Variants in CTTNBP2NL observed in about 807,000 individuals in gnomAD.
CTTNBP2NL encodes the protein CTTNBP2 N-terminal-like protein.
In CTTNBP2NL, 16 loss-of-function variants were observed where a neutral mutation model predicts 32.5. That is an observed-to-expected ratio of 0.49 (90% CI 0.33 to 0.75). CTTNBP2NL has a LOEUF of 0.75. Among genes scored for constraint, CTTNBP2NL ranks in the 30% least tolerant of loss-of-function variants. The pLI is 0.02. For synonymous variants in CTTNBP2NL, 298 were observed against 289.4 expected, an observed-to-expected ratio of 1.03 and a Z score of -0.30; for missense variants, 645 against 756.0, an observed-to-expected ratio of 0.85 and a Z score of 1.72.
Position 112,457,281 on chromosome 1 carries a change from A to G in CTTNBP2NL, c.1789A>G (p.Thr597Ala). ...PGLTPSPSAT[T>A]PLTKTHSQAA... ...CCTCACCCCTTCTCCATCTGCTACC[A>G]CTCCATTGACCAAAACTCATTCCCA... Residue 597 changes from threonine (T) to alanine (A), a missense_variant, in exon 6 of 6, where the codon ACT becomes GCT. By Grantham distance (58) the Thr-to-Ala change is moderately conservative. Transcript: ENST00000271277. The G allele has an allele frequency of 6.2e-7, 1 of 1,613,882 alleles. No individual in the cohort carries two copies. The highest frequency in any genetic ancestry group is 8.5e-7 in the Non-Finnish European group (1 of 1,179,978).
At chr1:112,415,992 A>C (rs1649049450) in intron 2 of CTTNBP2NL, 165 bp from the exon 3 acceptor site, 1 of 541,308 alleles carries the variant, frequency 1.8e-6, no homozygotes, top group African/African-American at 2.0e-5. Context: ...GTTGTTGCTT[A>C]GTTTGTGATT....
Position 112,455,916 on chromosome 1 carries a change from T to G in CTTNBP2NL, c.439-15T>G. 1 of 1,558,842 alleles carries G rather than the reference T, an allele frequency of 6.4e-7. No homozygotes were observed. Among genetic ancestry groups the G allele is most frequent in the Non-Finnish European group, 8.7e-7 (1 of 1,150,600 alleles). ...ACAGTTTGTCAGTATGTCTCTCTTTTCTTTTTTTTTCTAGTTGGAATTTGA... is the reference window on the plus strand; with the variant it reads ...ACAGTTTGTCAGTATGTCTCTCTTTGCTTTTTTTTTCTAGTTGGAATTTGA... On this transcript the variant is annotated splice_polypyrimidine_tract_variant and intron_variant, in intron 5 of 5. Coordinates refer to ENST00000271277, the MANE Select transcript of CTTNBP2NL (RefSeq NM_018704.3).
intron 1 of CTTNBP2NL, among the ~76,000 whole-genome samples, chr1:112,406,044 C>T (rs1570714837): frequency 2.0e-5 from 3 of 151,876 alleles, no homozygotes; most frequent in East Asian, 1.9e-4. Context: ...ATTAGCTGGG[C>T]GTGGTGGTGG....
intron 4 of CTTNBP2NL, among the ~76,000 whole-genome samples, chr1:112,452,910 T>C (rs970117528): frequency 6.6e-6 from 1 of 151,092 alleles, no homozygotes; most frequent in Admixed American, 6.6e-5. Flanking sequence ...ACCACTTGAG[T>C]CCAGGTGTTT....
intron 3 of CTTNBP2NL, among the ~76,000 whole-genome samples, chr1:112,416,634 A>T (rs1470157891): frequency 1.3e-5 from 2 of 151,928 alleles, no homozygotes; most frequent in Admixed American, 1.3e-4. Flanking sequence ...CTGGGACTAC[A>T]GGCGCACACC....
chr1:112,454,314 C>A, intron 4 of CTTNBP2NL, 135 bp from the exon 5 acceptor site: 1 of 646,056 alleles, frequency 1.5e-6, no homozygotes, highest in Admixed American at 2.7e-5. Context: ...ATAGCCCTTG[C>A]TGGGTTTCAT....
intron 3 of CTTNBP2NL, among the ~76,000 whole-genome samples, chr1:112,425,956 C>CGTGT (rs376135147): frequency 0.032 from 3,824 of 119,664 alleles, 68 homozygotes; most frequent in African/African-American, 0.047. Flanking sequence ...ATCTGGATGC[C>CGTGT]GTGTGTGTGT....
chr1:112,454,102 A>T (rs980298065), intron 4 of CTTNBP2NL, among the ~76,000 whole-genome samples: 2 of 152,084 alleles, frequency 1.3e-5, no homozygotes, highest in Non-Finnish European at 2.9e-5. Context: ...CATCACCTAC[A>T]CCTGGCCCCT....
intron 3 of CTTNBP2NL, among the ~76,000 whole-genome samples, chr1:112,441,948 A>T (rs1649902608): frequency 6.6e-6 from 1 of 152,190 alleles, no homozygotes; most frequent in Admixed American, 6.5e-5. Flanking sequence ...TTAGGATCTA[A>T]TGTATCATTT....
intron 3 of CTTNBP2NL, among the ~76,000 whole-genome samples, chr1:112,419,761 G>T (rs972049143): frequency 2.0e-5 from 3 of 152,178 alleles, no homozygotes; most frequent in Non-Finnish European, 4.4e-5. Flanking sequence ...ATATTAGCTT[G>T]CTTGATAACA....
intron 3 of CTTNBP2NL, among the ~76,000 whole-genome samples, chr1:112,430,246 G>C (rs1649529731): frequency 7.0e-6 from 1 of 143,750 alleles, no homozygotes; most frequent in African/African-American, 2.8e-5. Flanking sequence ...TCATTTTTGA[G>C]ACAGGGTCTC....
intron 3 of CTTNBP2NL, among the ~76,000 whole-genome samples, chr1:112,437,731 G>T (rs968712413): frequency 6.6e-5 from 10 of 152,096 alleles, no homozygotes; most frequent in Non-Finnish European, 1.0e-4. Context: ...TACCATGTTA[G>T]CCAGGATGGT....
intron 3 of CTTNBP2NL, among the ~76,000 whole-genome samples, chr1:112,423,409 T>C (rs1444940916): frequency 6.6e-6 from 1 of 152,190 alleles, no homozygotes; most frequent in African/African-American, 2.4e-5. Flanking sequence ...ATACATATGT[T>C]AATTAGCTCG....
chr1:112,426,434 G>A (rs1271496591), intron 3 of CTTNBP2NL, among the ~76,000 whole-genome samples: 1 of 151,832 alleles, frequency 6.6e-6, no homozygotes, highest in Admixed American at 6.6e-5. Flanking sequence ...GCTCACACCT[G>A]TAATCCCAGA....
chr1:112,431,324 T>G (rs1379284532), intron 3 of CTTNBP2NL, among the ~76,000 whole-genome samples: 1 of 152,190 alleles, frequency 6.6e-6, no homozygotes, highest in African/African-American at 2.4e-5. Flanking sequence ...TTTCTAGTTG[T>G]CCCCATAAAG....
intron 1 of CTTNBP2NL, among the ~76,000 whole-genome samples, chr1:112,400,165 G>A (rs1648451275): frequency 6.6e-6 from 1 of 152,204 alleles, no homozygotes; most frequent in Admixed American, 6.5e-5. Context: ...GCCTTTTAGT[G>A]AGAAAATGGC....
chr1:112,454,608 C>T (rs1557898830), intron 5 of CTTNBP2NL, 52 bp downstream of exon 5: 2 of 1,310,014 alleles, frequency 1.5e-6, no homozygotes, highest in Non-Finnish European at 2.2e-6. Context: ...CAGCATTTCC[C>T]AAAGATTATT....
At chr1:112,408,220 A>ATTTTTTTTTT (rs397981257) in intron 1 of CTTNBP2NL, among the ~76,000 whole-genome samples, 14 of 103,758 alleles carry the variant, frequency 1.3e-4, no homozygotes, top group African/African-American at 3.9e-4. Flanking sequence ...TTTTTTTTTA[A>ATTTTTTTTTT]TTTTTTTTTT....
rs149936707 is a variant in CTTNBP2NL at position 112,402,411 on chromosome 1, T to A, written c.-134+6139T>A. On this transcript the variant is annotated intron_variant, in intron 1 of 5. Coordinates refer to ENST00000271277, the MANE Select transcript of CTTNBP2NL (RefSeq NM_018704.3). ...CCAGGCTGGGCAACAACAGTGAAACTCCATCTCAAAAAAAAGAAAAGTGAG... is the reference window on the plus strand; with the variant it reads ...CCAGGCTGGGCAACAACAGTGAAACACCATCTCAAAAAAAAGAAAAGTGAG... Among the ~76,000 whole-genome samples, 292 of 151,132 alleles carry A rather than the reference T, an allele frequency of 1.9e-3. 1 individual carries two copies. Among genetic ancestry groups the A allele is most frequent in the Non-Finnish European group, 3.2e-3 (214 of 67,760 alleles).
Sources: gnomAD v4.1 joint callset for allele counts (sites outside exome capture counted in the v4.1 genomes callset) on GRCh38, gnomAD v4.1.1 for gene constraint, MANE v1.5 for transcripts, NCBI Gene and HGNC (gene_info 2026-07-23, HGNC 2026-07-21) for gene names.